UNC5D: variants seen among roughly 807,000 people sequenced by gnomAD.
The protein encoded by UNC5D is netrin receptor UNC5D.
Under a neutral mutation model 105.4 loss-of-function variants are expected in UNC5D, and 39 were observed. The ratio of observed to expected loss-of-function variants is 0.37; its 90% CI spans 0.29 to 0.48. UNC5D has a LOEUF of 0.48. Among genes scored for constraint, UNC5D ranks in the 20% least tolerant of loss-of-function variants. The pLI, the probability that UNC5D is intolerant of heterozygous loss-of-function variation, is 0.98. For synonymous variants in UNC5D, 452 were observed against 450.4 expected (o/e 1.00, Z -0.04); for missense variants, 991 against 1,202.4 (o/e 0.82, Z 2.60).
intron 4 of UNC5D, among the ~76,000 whole-genome samples, chr8:35,662,853 C>T (rs576923184): frequency 1.4e-4 from 21 of 152,114 alleles, no homozygotes; most frequent in African/African-American, 4.3e-4. Flanking sequence ...AAGAAGCAGG[C>T]GAGGGAGCAT....
intron 1 of UNC5D, among the ~76,000 whole-genome samples, chr8:35,521,550 TA>T (rs769821645): frequency 6.6e-6 from 1 of 152,136 alleles, no homozygotes; most frequent in Non-Finnish European, 1.5e-5. Flanking sequence ...GTGCATAAAT[TA>T]AAAACAAAAA....
At chr8:35,436,389 C>T (rs529120510) in intron 1 of UNC5D, among the ~76,000 whole-genome samples, 19 of 152,088 alleles carry the variant, frequency 1.2e-4, no homozygotes, top group African/African-American at 1.9e-4. Flanking sequence ...TATTACACTT[C>T]GGATAGGATT....
At chr8:35,727,975 A>C (rs887238818) in intron 10 of UNC5D, 2 of 149,916 alleles carry the variant, frequency 1.3e-5, no homozygotes, top group Non-Finnish European at 2.9e-5. Context: ...AGTGGCACAC[A>C]CCTGTAGTCC....
rs1803216973 is a variant in UNC5D, at chr8:35,795,378, A to G, written c.*4815A>G. ...TTCACTAATTTCAAGCACTGTTTAC[A>G]CTCAAATCCCAAAATTGGCCAAATT... On this transcript the variant is annotated 3_prime_UTR_variant, in exon 17 of 17. Coordinates refer to ENST00000404895, the MANE Select transcript of UNC5D (RefSeq NM_080872.4). 6.6e-6 allele frequency: 1 copy of G among 152,124 alleles called. No individual in the cohort carries two copies. The highest frequency in any genetic ancestry group is 1.5e-5 in the Non-Finnish European group (1 of 68,014). The allele number at this position is 152,124 out of a possible 1,614,324, so 9.4% of individuals were successfully genotyped here. A position where few individuals can be genotyped will look rare whatever the true frequency, so the allele number is the denominator to read the frequency against.
intron 4 of UNC5D, 33 bp from the exon 5 acceptor site, chr8:35,683,514 T>C (rs1825809324): frequency 6.5e-7 from 1 of 1,540,136 alleles, no homozygotes; most frequent in Non-Finnish European, 8.7e-7. Context: ...CTGATTTTTT[T>C]AGTGACTTGT....
At chr8:35,649,063 G>A (rs564392813) in intron 4 of UNC5D, among the ~76,000 whole-genome samples, 159 of 152,208 alleles carry the variant, frequency 1.0e-3, no homozygotes, top group African/African-American at 3.6e-3. Flanking sequence ...TTATCTTTGA[G>A]ATTATGTTCT....
At chr8:35,629,631 A>G (rs980873147) in intron 4 of UNC5D, among the ~76,000 whole-genome samples, 1 of 152,124 alleles carries the variant, frequency 6.6e-6, no homozygotes, top group African/African-American at 2.4e-5. Flanking sequence ...TAAAAGCCCA[A>G]TCCCCACCAT....
intron 4 of UNC5D, among the ~76,000 whole-genome samples, chr8:35,633,174 G>A (rs953092465): frequency 6.6e-5 from 10 of 152,282 alleles, no homozygotes; most frequent in African/African-American, 2.4e-4. Context: ...TTGACATCCT[G>A]TGCTCCCTTA....
intron 1 of UNC5D, among the ~76,000 whole-genome samples, chr8:35,403,482 G>T (rs1804604035): frequency 1.3e-5 from 2 of 152,214 alleles, no homozygotes; most frequent in African/African-American, 4.8e-5. Flanking sequence ...GGAAGAAAGT[G>T]CAAATATACA....
chr8:35,271,454 T>C (rs943286798), intron 1 of UNC5D, among the ~76,000 whole-genome samples: 3 of 139,652 alleles, frequency 2.1e-5, no homozygotes, highest in South Asian at 2.2e-4. Context: ...TATACACACA[T>C]ATGTGTGTAG....
chr8:35,640,904 C>T (rs79606525), intron 4 of UNC5D, among the ~76,000 whole-genome samples: 1,866 of 152,078 alleles, frequency 0.012, 36 homozygotes, highest in African/African-American at 0.042. Context: ...TCTCTGTCCT[C>T]TTCTTCCTCT....
At chr8:35,257,946 T>A (rs558017540) in intron 1 of UNC5D, among the ~76,000 whole-genome samples, 1 of 152,360 alleles carries the variant, frequency 6.6e-6, no homozygotes, top group East Asian at 1.9e-4. Context: ...TCCAAAACAA[T>A]GTATGGAGTA....
At chr8:35,500,017 C>G (rs1003133149) in intron 1 of UNC5D, among the ~76,000 whole-genome samples, 1 of 152,180 alleles carries the variant, frequency 6.6e-6, no homozygotes, top group Non-Finnish European at 1.5e-5. Flanking sequence ...AAACCCTAAA[C>G]AGTATTGAAC....
rs563653400 is a variant in UNC5D at position 35,502,621 on chromosome 8, C to T, written c.104-46671C>T. 3.3e-5 allele frequency among the ~76,000 whole-genome samples: 5 copies of T among 152,114 alleles called. No individual in the cohort carries two copies. In the East Asian group the frequency reaches 5.8e-4, roughly 18 times the overall value. On this transcript the variant is annotated intron_variant, in intron 1 of 16. Transcript: ENST00000404895. ...TTGCCCAGGCTAGAGTGCAGTGGTG[C>T]GATCTTGGCTCACTGCAACCTCTGC... is the stretch of plus-strand genomic sequence containing the variant.
At chr8:35,423,961 T>C (rs1344256209) in intron 1 of UNC5D, among the ~76,000 whole-genome samples, 1 of 151,740 alleles carries the variant, frequency 6.6e-6, no homozygotes, top group African/African-American at 2.4e-5. Flanking sequence ...CAAGTCTGGC[T>C]AATTAAAAAA....
intron 7 of UNC5D, among the ~76,000 whole-genome samples, chr8:35,704,378 G>T (rs1827402923): frequency 6.6e-6 from 1 of 152,172 alleles, no homozygotes; most frequent in Non-Finnish European, 1.5e-5. Flanking sequence ...ACTCTATGGA[G>T]AACTCAGAAT....
intron 1 of UNC5D, among the ~76,000 whole-genome samples, chr8:35,245,329 A>C (rs1803026096): frequency 3.3e-5 from 5 of 152,150 alleles, no homozygotes. Flanking sequence ...GTTCTTTGCC[A>C]GAGAACTATA....
chr8:35,775,320 G>T (rs1238540559), intron 16 of UNC5D, among the ~76,000 whole-genome samples: 1 of 152,222 alleles, frequency 6.6e-6, no homozygotes, highest in East Asian at 1.9e-4. Flanking sequence ...TGAACATGCT[G>T]CTAAAACTGA....
intron 1 of UNC5D, among the ~76,000 whole-genome samples, chr8:35,496,330 T>C (rs907945212): frequency 6.6e-6 from 1 of 152,164 alleles, no homozygotes; most frequent in Non-Finnish European, 1.5e-5. Context: ...CTAAGGACTT[T>C]TGGAAGCCAG....
Sources: gnomAD v4.1 joint callset for allele counts (sites outside exome capture counted in the v4.1 genomes callset) on GRCh38, gnomAD v4.1.1 for gene constraint, MANE v1.5 for transcripts, NCBI Gene and HGNC (gene_info 2026-07-23, HGNC 2026-07-21) for gene names.